EPB41L5: variants seen among roughly 807,000 people sequenced by gnomAD.
EPB41L5 encodes erythrocyte membrane protein band 4.1 like 5, also known as band 4.1-like protein 5.
In EPB41L5, 55 loss-of-function variants were observed where a neutral mutation model predicts 106.6. The observed-to-expected ratio is 0.52, with a 90% CI of 0.42 to 0.65. The LOEUF (loss-of-function observed/expected upper bound fraction) is 0.65, where lower values mean the gene tolerates loss of function less well. EPB41L5 is among the 30% of genes least tolerant of loss of function. The pLI is 0.00. For missense variants in EPB41L5, 871 were observed against 882.1 expected (o/e 0.99, Z 0.16); for synonymous variants, 297 against 306.7 (o/e 0.97, Z 0.33).
intron 2 of EPB41L5, among the ~76,000 whole-genome samples, chr2:120,036,435 C>G (rs2105189748): frequency 6.6e-6 from 1 of 152,262 alleles, no homozygotes; most frequent in Non-Finnish European, 1.5e-5. Context: ...TAGAGTCAGG[C>G]CTTTCTCTTG....
At chr2:120,083,098 A>G (rs1471329739) in intron 10 of EPB41L5, among the ~76,000 whole-genome samples, 7 of 151,890 alleles carry the variant, frequency 4.6e-5, no homozygotes, top group Admixed American at 2.0e-4. Flanking sequence ...TTGTGTCTCT[A>G]TCTCCTTCAG....
At chr2:120,062,402 T>C (rs546295230) in intron 3 of EPB41L5, among the ~76,000 whole-genome samples, 1 of 152,342 alleles carries the variant, frequency 6.6e-6, no homozygotes, top group African/African-American at 2.4e-5. Flanking sequence ...TGCCCAATAA[T>C]GATTGTTTAT....
intron 16 of EPB41L5, 70 bp downstream of exon 16, chr2:120,100,884 C>A: frequency 9.7e-7 from 1 of 1,035,316 alleles, no homozygotes; most frequent in Non-Finnish European, 1.4e-6. Context: ...AAGTCATAAT[C>A]TTAAAGTACT....
At chr2:120,148,402 C>T (rs1249064639) in intron 20 of EPB41L5, among the ~76,000 whole-genome samples, 1 of 151,680 alleles carries the variant, frequency 6.6e-6, no homozygotes, top group African/African-American at 2.4e-5. Flanking sequence ...TATACTCATC[C>T]TCATTCTACC....
chr2:120,028,651 A>G (rs1678499092), intron 2 of EPB41L5, among the ~76,000 whole-genome samples: 1 of 152,220 alleles, frequency 6.6e-6, no homozygotes, highest in African/African-American at 2.4e-5. Context: ...CTGCAGACTT[A>G]CAGTGACAGT....
At chr2:120,163,030 T>TG (rs1687201309) in intron 21 of EPB41L5, among the ~76,000 whole-genome samples, 1 of 152,080 alleles carries the variant, frequency 6.6e-6, no homozygotes, top group Non-Finnish European at 1.5e-5. Context: ...GGCGGTAAGA[T>TG]GGTTTGAGGC....
chr2:120,116,272 C>T (rs1475610381), intron 16 of EPB41L5, among the ~76,000 whole-genome samples: 1 of 152,062 alleles, frequency 6.6e-6, no homozygotes, highest in Non-Finnish European at 1.5e-5. Flanking sequence ...ATTGTATGCC[C>T]ATCAACATAG....
intron 3 of EPB41L5, among the ~76,000 whole-genome samples, chr2:120,071,072 T>C (rs1444907318): frequency 6.6e-6 from 1 of 152,196 alleles, no homozygotes; most frequent in Admixed American, 6.5e-5. Context: ...ATGACATGAT[T>C]GTATATTTAG....
chr2:120,063,500 A>G (rs1479047199), intron 3 of EPB41L5, among the ~76,000 whole-genome samples: 4 of 152,246 alleles, frequency 2.6e-5, no homozygotes, highest in African/African-American at 9.6e-5. Flanking sequence ...TAACCTACAT[A>G]ACTCGTGAAA....
chr2:120,071,873 A>C (rs1213196138), intron 3 of EPB41L5, among the ~76,000 whole-genome samples: 1 of 152,214 alleles, frequency 6.6e-6, no homozygotes, highest in Admixed American at 6.5e-5. Flanking sequence ...GGCATGGGCA[A>C]AAACTTCAAA....
At chr2:120,174,577 G>A (rs1687851813) in intron 24 of EPB41L5, among the ~76,000 whole-genome samples, 1 of 152,122 alleles carries the variant, frequency 6.6e-6, no homozygotes, top group Non-Finnish European at 1.5e-5. Flanking sequence ...ATTAAGAAAT[G>A]GTTAAGTGTG....
At chr2:120,050,067 C>G (rs1680118590) in intron 3 of EPB41L5, among the ~76,000 whole-genome samples, 1 of 152,166 alleles carries the variant, frequency 6.6e-6, no homozygotes, top group African/African-American at 2.4e-5. Flanking sequence ...TTGTGGGTAA[C>G]CTGACCTTTC....
chr2:120,050,089 C>T (rs1008976729), intron 3 of EPB41L5, among the ~76,000 whole-genome samples: 47 of 152,078 alleles, frequency 3.1e-4, no homozygotes, highest in African/African-American at 1.1e-3. Context: ...CTCTGGCTGC[C>T]CTTAACATTT....
intron 21 of EPB41L5, among the ~76,000 whole-genome samples, chr2:120,162,284 A>G (rs1012893298): frequency 2.0e-5 from 3 of 152,244 alleles, no homozygotes; most frequent in Admixed American, 1.3e-4. Flanking sequence ...TTAACAATTC[A>G]GAAATCATAG....
rs184245202 is a variant in EPB41L5, at chr2:120,133,460, T to A, written c.1599+1745T>A. Among the ~76,000 whole-genome samples the A allele has an allele frequency of 3.3e-5, 5 of 152,228 alleles. No individual in the cohort carries two copies. In the East Asian group the frequency reaches 9.7e-4, roughly 29 times the overall value. On this transcript the variant is annotated intron_variant, in intron 18 of 24. Coordinates refer to ENST00000263713, the MANE Select transcript of EPB41L5 (RefSeq NM_020909.4). Reference sequence around the variant, plus strand: ...CTTGGGAGAGGGAGAGCACAGTGACTATGGCACTTTGTATTGGAACTCAGT... The same window carrying A: ...CTTGGGAGAGGGAGAGCACAGTGACAATGGCACTTTGTATTGGAACTCAGT...
chr2:120,047,469 GAT>G (rs1679872491), intron 3 of EPB41L5, among the ~76,000 whole-genome samples: 1 of 151,616 alleles, frequency 6.6e-6, no homozygotes, highest in Non-Finnish European at 1.5e-5. Context: ...GTTTGTCTGT[GAT>G]TGGTGTATAG....
chr2:120,100,853 G>A, intron 16 of EPB41L5, 39 bp downstream of exon 16: 2 of 1,332,528 alleles, frequency 1.5e-6, no homozygotes, highest in Middle Eastern at 3.7e-4. Context: ...ATATTGCCTA[G>A]TTAATTGTAT....
intron 1 of EPB41L5, among the ~76,000 whole-genome samples, chr2:120,017,963 A>ATTT (rs34151177): frequency 6.9e-5 from 9 of 131,062 alleles, no homozygotes; most frequent in East Asian, 2.2e-4. Context: ...CACCCGGCCA[A>ATTT]TTTTTTTTTT....
chr2:120,142,456 C>A (rs1010141475), intron 18 of EPB41L5, among the ~76,000 whole-genome samples: 4 of 152,152 alleles, frequency 2.6e-5, no homozygotes, highest in Non-Finnish European at 4.4e-5. Context: ...AGAATCTCAA[C>A]TGCATTCAGC....
Sources: gnomAD v4.1 joint callset for allele counts (sites outside exome capture counted in the v4.1 genomes callset) on GRCh38, gnomAD v4.1.1 for gene constraint, MANE v1.5 for transcripts, NCBI Gene and HGNC (gene_info 2026-07-23, HGNC 2026-07-21) for gene names.